Variants in ZNF600 observed in about 807,000 individuals in gnomAD.
ZNF600 encodes zinc finger protein KR-ZNF1.
In ZNF600, 4 loss-of-function variants were observed where a neutral mutation model predicts 7.3. The observed-to-expected ratio is 0.55, with a 90% CI of 0.27 to 1.25. ZNF600 has a LOEUF of 1.25. Among genes scored for constraint, ZNF600 ranks in the 50% most tolerant of loss-of-function variants. The pLI is 0.12. For missense variants in ZNF600, 911 were observed against 922.1 expected, an observed-to-expected ratio of 0.99 and a Z score of 0.16; for synonymous variants, 290 against 308.9, an observed-to-expected ratio of 0.94 and a Z score of 0.64.
At chr19:52,815,725 T>C in the ZNF600 span, among the ~76,000 whole-genome samples, 2 of 145,740 alleles carry the variant, frequency 1.4e-5, no homozygotes, top group African/African-American at 5.4e-5. Context: ...CTCGGGAGGC[T>C]GAGGCAGGAG....
At chr19:52,799,097 T>C in the ZNF600 span, 3 of 421,352 alleles carry the variant, frequency 7.1e-6, no homozygotes, top group Non-Finnish European at 1.4e-5. Context: ...AGTCTTCACA[T>C]TTGTAAGATT....
chr19:52,828,768 T>C, the ZNF600 span, among the ~76,000 whole-genome samples: 1 of 152,230 alleles, frequency 6.6e-6, no homozygotes, highest in African/African-American at 2.4e-5. Context: ...TATTCTCCAA[T>C]AGGATGTTCC....
chr19:52,801,303 C>A, the ZNF600 span: 10 of 1,614,100 alleles, frequency 6.2e-6, no homozygotes, highest in South Asian at 1.1e-4. Context: ...GGGCCTACAA[C>A]AAATTCTTTG....
At chr19:52,820,242 C>G in the ZNF600 span, among the ~76,000 whole-genome samples, 1 of 138,120 alleles carries the variant, frequency 7.2e-6, no homozygotes, top group Non-Finnish European at 1.5e-5. Flanking sequence ...CTCAGCCTCC[C>G]GAGTAGCTGG....
At chr19:52,786,500 G>A (rs1326073638) in intron 1 of ZNF600, 95 bp downstream of exon 1, 1 of 153,740 alleles carries the variant, frequency 6.5e-6, no homozygotes, top group Admixed American at 6.4e-5. Flanking sequence ...TACGCGATAG[G>A]AAGTGTATAC....
the ZNF600 span, among the ~76,000 whole-genome samples, chr19:52,831,384 A>T: frequency 1.3e-5 from 2 of 151,516 alleles, no homozygotes; most frequent in African/African-American, 4.9e-5. Context: ...ATCTCGGCTC[A>T]CTGCAACCCC....
chr19:52,776,153 G>A (rs990760850), intron 2 of ZNF600, among the ~76,000 whole-genome samples: 42 of 148,128 alleles, frequency 2.8e-4, no homozygotes, highest in Non-Finnish European at 5.5e-4. Flanking sequence ...TCTGTACTTG[G>A]AGACAAGTGC....
chr19:52,800,024 G>A, the ZNF600 span: 49 of 1,614,062 alleles, frequency 3.0e-5, no homozygotes, highest in African/African-American at 5.3e-4. Context: ...CATTACACTT[G>A]TAAGGTTTCT....
At chr19:52,800,270 A>C in the ZNF600 span, 1 of 1,613,440 alleles carries the variant, frequency 6.2e-7, no homozygotes, top group African/African-American at 1.3e-5. Context: ...CACATTCATT[A>C]CACATGTATG....
the ZNF600 span, among the ~76,000 whole-genome samples, chr19:52,811,564 A>G: frequency 6.9e-6 from 1 of 144,742 alleles, no homozygotes; most frequent in Non-Finnish European, 1.5e-5. Context: ...GGATGTGAGG[A>G]GCGCCTCTGC....
chr19:52,818,458 A>G, the ZNF600 span, among the ~76,000 whole-genome samples: 1 of 152,128 alleles, frequency 6.6e-6, no homozygotes, highest in African/African-American at 2.4e-5. Flanking sequence ...CATGCCTGTA[A>G]TACCAACACT....
At chr19:52,812,965 A>G in the ZNF600 span, among the ~76,000 whole-genome samples, 6 of 151,364 alleles carry the variant, frequency 4.0e-5, no homozygotes, top group African/African-American at 1.2e-4. Flanking sequence ...CTGAGCTTCA[A>G]TCCTTGAGGT....
At chr19:52,800,999 G>A in the ZNF600 span, 2 of 1,613,910 alleles carry the variant, frequency 1.2e-6, no homozygotes, top group Non-Finnish European at 1.7e-6. Context: ...GGGATGTATT[G>A]TGACCAAAGA....
At chr19:52,779,656 T>C (rs1472389295) in intron 1 of ZNF600, among the ~76,000 whole-genome samples, 1 of 152,166 alleles carries the variant, frequency 6.6e-6, no homozygotes, top group East Asian at 1.9e-4. Context: ...TGGGAACTGC[T>C]TAGTGAGCCA....
At chr19:52,768,464 A>T (rs1445683124) in intron 3 of ZNF600, among the ~76,000 whole-genome samples, 1 of 152,028 alleles carries the variant, frequency 6.6e-6, no homozygotes, top group Non-Finnish European at 1.5e-5. Flanking sequence ...AGCAAAAAAA[A>T]AGTTAATTCA....
At chr19:52,828,513 C>T in the ZNF600 span, among the ~76,000 whole-genome samples, 11 of 152,118 alleles carry the variant, frequency 7.2e-5, no homozygotes, top group South Asian at 1.5e-3. Flanking sequence ...GGCTCAATTA[C>T]GATGTTACAA....
the ZNF600 span, among the ~76,000 whole-genome samples, chr19:52,802,719 T>C: frequency 6.6e-6 from 1 of 151,616 alleles, no homozygotes; most frequent in Non-Finnish European, 1.5e-5. Flanking sequence ...CAAATAACTG[T>C]TACAAAATTA....
chr19:52,801,587 G>C, the ZNF600 span: 2 of 1,613,998 alleles, frequency 1.2e-6, no homozygotes, highest in South Asian at 2.2e-5. Flanking sequence ...TTTTCTGGAA[G>C]CAAAAATCTC....
the ZNF600 span, among the ~76,000 whole-genome samples, chr19:52,820,273 G>T: frequency 1.5e-5 from 2 of 136,552 alleles, no homozygotes; most frequent in African/African-American, 6.2e-5. Context: ...GCCCGCCACC[G>T]CGCCCGGCTA....
Sources: gnomAD v4.1 joint callset for allele counts (sites outside exome capture counted in the v4.1 genomes callset) on GRCh38, gnomAD v4.1.1 for gene constraint, MANE v1.5 for transcripts, NCBI Gene and HGNC (gene_info 2026-07-23, HGNC 2026-07-21) for gene names.